KCNH5: variants seen among roughly 807,000 people sequenced by gnomAD.
The protein encoded by KCNH5 is potassium voltage-gated channel subfamily H member 5, also known as voltage-gated delayed rectifier potassium channel KCNH5.
KCNH5 carries 46 observed loss-of-function variants against 96.1 expected under a neutral mutation model. The observed-to-expected ratio is 0.48, with a 90% confidence interval of 0.38 to 0.61. The LOEUF (loss-of-function observed/expected upper bound fraction) is 0.61, where lower values mean the gene tolerates loss of function less well. Among genes scored for constraint, KCNH5 ranks in the 20% least tolerant of loss-of-function variants. KCNH5 has a pLI of 0.00. For synonymous variants in KCNH5, 439 were observed against 449.8 expected (o/e 0.98, Z 0.30); for missense variants, 907 against 1,225.8 (o/e 0.74, Z 3.88).
intron 6 of KCNH5, among the ~76,000 whole-genome samples, chr14:62,980,596 T>C (rs1226990214): frequency 1.3e-5 from 2 of 152,344 alleles, no homozygotes; most frequent in East Asian, 3.9e-4. Flanking sequence ...TTGTGAACTG[T>C]AGTTGACTTC....
intron 7 of KCNH5, among the ~76,000 whole-genome samples, chr14:62,891,647 T>A (rs1215071503): frequency 1.3e-5 from 2 of 152,196 alleles, no homozygotes; most frequent in African/African-American, 4.8e-5. Context: ...TCACAAATAC[T>A]GTCGTTTTGC....
intron 7 of KCNH5, among the ~76,000 whole-genome samples, chr14:62,919,767 T>C (rs1022388918): frequency 1.3e-5 from 2 of 152,148 alleles, no homozygotes; most frequent in African/African-American, 4.8e-5. Flanking sequence ...TTACTCTTAT[T>C]ATCATGTGTC....
At chr14:62,765,133 C>G (rs1327545598) in intron 10 of KCNH5, among the ~76,000 whole-genome samples, 1 of 152,130 alleles carries the variant, frequency 6.6e-6, no homozygotes, top group African/African-American at 2.4e-5. Context: ...TACTACAAGG[C>G]TACAGTAATC....
intron 10 of KCNH5, among the ~76,000 whole-genome samples, chr14:62,722,888 C>T (rs1884844399): frequency 6.6e-6 from 1 of 152,196 alleles, no homozygotes; most frequent in Non-Finnish European, 1.5e-5. Flanking sequence ...CTGACTGAAA[C>T]CCGTTTCCTA....
At chr14:63,038,843 T>G (rs1891771260) in intron 1 of KCNH5, among the ~76,000 whole-genome samples, 1 of 152,098 alleles carries the variant, frequency 6.6e-6, no homozygotes, top group Admixed American at 6.6e-5. Context: ...TAATTATCTT[T>G]AAATGATGAA....
chr14:63,042,423 G>A (rs1891841956), intron 1 of KCNH5, among the ~76,000 whole-genome samples: 1 of 152,054 alleles, frequency 6.6e-6, no homozygotes, highest in Non-Finnish European at 1.5e-5. Context: ...GACTCTCACT[G>A]TAAGATCTGA....
intron 7 of KCNH5, among the ~76,000 whole-genome samples, chr14:62,929,887 T>C (rs1390645736): frequency 6.6e-6 from 1 of 152,082 alleles, no homozygotes; most frequent in East Asian, 1.9e-4. Flanking sequence ...ATGCAGAATT[T>C]AGTTTTCTGT....
intron 8 of KCNH5, among the ~76,000 whole-genome samples, chr14:62,846,963 G>T: frequency 6.7e-6 from 1 of 148,550 alleles, no homozygotes. Flanking sequence ...AGCACGCCCG[G>T]CTAATTTTTT....
intron 10 of KCNH5, 94 bp from the exon 11 acceptor site, chr14:62,708,549 G>A: frequency 2.9e-6 from 2 of 684,258 alleles, no homozygotes; most frequent in South Asian, 3.2e-5. Context: ...GTGTTACAAA[G>A]AAAACCCTTG....
At chr14:62,947,714 G>GACACACACACACACACACACACAC (rs373941818) in intron 7 of KCNH5, among the ~76,000 whole-genome samples, 4 of 149,520 alleles carry the variant, frequency 2.7e-5, no homozygotes, top group African/African-American at 9.8e-5. Context: ...GGACAGCTTA[G>GACACACACACACACACACACACAC]ACACACACAC....
chr14:62,980,638 T>G (rs1243160019), intron 6 of KCNH5, among the ~76,000 whole-genome samples: 1 of 152,192 alleles, frequency 6.6e-6, no homozygotes, highest in Non-Finnish European at 1.5e-5. Context: ...CCTCCACTTC[T>G]TCCATCCACA....
intron 2 of KCNH5, among the ~76,000 whole-genome samples, chr14:63,010,709 T>G (rs1466086456): frequency 6.6e-6 from 1 of 152,186 alleles, no homozygotes; most frequent in Non-Finnish European, 1.5e-5. Flanking sequence ...AACAGGTGGT[T>G]TGGGCTTGTA....
chr14:63,010,052 G>A (rs78108507), intron 2 of KCNH5, among the ~76,000 whole-genome samples: 1 of 151,952 alleles, frequency 6.6e-6, no homozygotes. Flanking sequence ...GCTCCTCCTT[G>A]GTAATTATAA....
intron 8 of KCNH5, among the ~76,000 whole-genome samples, chr14:62,822,792 T>C (rs1189738423): frequency 2.0e-5 from 3 of 151,950 alleles, no homozygotes; most frequent in Non-Finnish European, 4.4e-5. Context: ...TTTTCATAGA[T>C]AGAGTAGGTA....
chr14:62,772,098 T>TAAC (rs969367382), intron 10 of KCNH5, among the ~76,000 whole-genome samples: 65 of 152,090 alleles, frequency 4.3e-4, no homozygotes, highest in Admixed American at 4.1e-3. Flanking sequence ...TTTTCAGCCC[T>TAAC]AACAACAACA....
At chr14:62,920,605 T>C (rs1889362000) in intron 7 of KCNH5, among the ~76,000 whole-genome samples, 1 of 152,108 alleles carries the variant, frequency 6.6e-6, no homozygotes, top group Admixed American at 6.5e-5. Context: ...AATCACTAGA[T>C]TCAGTGTTGT....
intron 2 of KCNH5, among the ~76,000 whole-genome samples, chr14:63,006,726 T>C (rs918981461): frequency 2.0e-5 from 3 of 152,212 alleles, no homozygotes; most frequent in Admixed American, 6.5e-5. Flanking sequence ...CACAGTATGT[T>C]AACTGTGAGT....
chr14:63,033,813 T>C (rs1448670759), intron 1 of KCNH5, among the ~76,000 whole-genome samples: 1 of 151,600 alleles, frequency 6.6e-6, no homozygotes, highest in South Asian at 2.1e-4. Flanking sequence ...TGGCAATAAG[T>C]TAAAGAAAAA....
In KCNH5 at chr14:62,708,183, A is replaced by C. The variant is rs775613619; in HGVS notation, c.2292T>G (p.Ser764=). ...ATTCACTGGTTTTCACATAGGCCAG[A>C]GACGTCTGAATGGGAGTAATCTGTG... ...TVSQITPIQT[S]LAYVKTSESL... The change falls in exon 11 of 11, where the codon TCT becomes TCG. Residue 764 remains serine (S), a synonymous_variant. Coordinates refer to ENST00000322893, the MANE Select transcript of KCNH5 (RefSeq NM_139318.5). The C allele has an allele frequency of 1.2e-6, 2 of 1,614,232 alleles. No homozygotes were observed. The highest frequency in any genetic ancestry group is 2.2e-5 in the South Asian group (2 of 91,090).
Sources: allele counts gnomAD v4.1 joint callset (sites outside exome capture counted in the v4.1 genomes callset), GRCh38; gene constraint gnomAD v4.1.1; transcripts MANE v1.5; gene names NCBI Gene and HGNC (gene_info 2026-07-23, HGNC 2026-07-21).